Variants in CACNA2D3 observed in about 807,000 individuals in gnomAD.
The protein encoded by CACNA2D3 is calcium voltage-gated channel auxiliary subunit alpha2delta 3, also known as voltage-dependent calcium channel subunit alpha-2/delta-3.
A neutral mutation model predicts 160.6 loss-of-function variants in CACNA2D3; 60 were observed. That is an observed-to-expected ratio of 0.37 (90% CI 0.30 to 0.46). The LOEUF is 0.46. Ranked by LOEUF, CACNA2D3 falls within the 20% of genes least tolerant of loss-of-function variation. The probability of loss-of-function intolerance (pLI) is 1.00; values close to 1 mark genes in which losing one functional copy is unlikely to be tolerated. For synonymous variants in CACNA2D3, 558 were observed against 492.9 expected (o/e 1.13, Z -1.75); for missense variants, 1,205 against 1,365.0 (o/e 0.88, Z 1.85).
At chr3:54,892,036 C>A (rs1053505527) in intron 25 of CACNA2D3, among the ~76,000 whole-genome samples, 2 of 152,130 alleles carry the variant, frequency 1.3e-5, no homozygotes, top group South Asian at 4.1e-4. Context: ...AGGTCTAGTA[C>A]CCAGATGCTA....
chr3:54,447,245 T>C (rs1277574197), intron 4 of CACNA2D3, among the ~76,000 whole-genome samples: 1 of 152,188 alleles, frequency 6.6e-6, no homozygotes, highest in Non-Finnish European at 1.5e-5. Context: ...AGAAATTATA[T>C]TGTGATGGGT....
rs539394714 is a variant in CACNA2D3 at position 54,452,953 on chromosome 3, T to C, written c.382-50539T>C. 1.7e-4 allele frequency among the ~76,000 whole-genome samples: 26 copies of C among 152,120 alleles called. 1 individual carries two copies. In the South Asian group the frequency reaches 3.7e-3, roughly 22 times the overall value. On this transcript the variant is annotated intron_variant, in intron 4 of 37. Transcript: ENST00000474759. ...TCGTCTGTGTTTCTATGTCTTCTTT[T>C]TTTCTTTCTTTCTTTCCCTCTCTTT...
chr3:54,929,188 C>T (rs974798867), intron 27 of CACNA2D3, among the ~76,000 whole-genome samples: 1 of 152,170 alleles, frequency 6.6e-6, no homozygotes, highest in Non-Finnish European at 1.5e-5. Context: ...CTTACCCACC[C>T]AGAGCCCCAT....
At chr3:54,923,481 A>G (rs1436621366) in intron 27 of CACNA2D3, among the ~76,000 whole-genome samples, 1 of 152,120 alleles carries the variant, frequency 6.6e-6, no homozygotes, top group Admixed American at 6.5e-5. Context: ...AATGAGACCC[A>G]CATTCTATCA....
At chr3:54,568,421 G>C (rs867630708) in intron 6 of CACNA2D3, among the ~76,000 whole-genome samples, 17 of 152,010 alleles carry the variant, frequency 1.1e-4, no homozygotes, top group Middle Eastern at 3.4e-3. Flanking sequence ...ACCTCCCGTG[G>C]GTCAACACAT....
At chr3:54,821,644 C>CTTTCT (rs1553873539) in intron 14 of CACNA2D3, among the ~76,000 whole-genome samples, 4 of 30,726 alleles carry the variant, frequency 1.3e-4, no homozygotes, top group African/African-American at 4.5e-4. Flanking sequence ...GTCTTTCGTT[C>CTTTCT]TTTCTTTCTT....
chr3:54,664,459 G>A (rs1700028324), intron 11 of CACNA2D3, among the ~76,000 whole-genome samples: 1 of 152,226 alleles, frequency 6.6e-6, no homozygotes, highest in Non-Finnish European at 1.5e-5. Context: ...ACAGCAGCTG[G>A]ATTGCTTACT....
At chr3:54,466,606 A>G (rs1391208116) in intron 4 of CACNA2D3, among the ~76,000 whole-genome samples, 2 of 152,346 alleles carry the variant, frequency 1.3e-5, no homozygotes, top group Non-Finnish European at 2.9e-5. Flanking sequence ...CTGGGCAACA[A>G]AGTTACTTAC....
At chr3:55,015,849 A>G (rs563773396) in intron 34 of CACNA2D3, among the ~76,000 whole-genome samples, 2 of 152,176 alleles carry the variant, frequency 1.3e-5, no homozygotes, top group Non-Finnish European at 2.9e-5. Context: ...CTTCTTACAA[A>G]ACAGACGCAC....
At chr3:54,804,709 T>A (rs144296115) in intron 13 of CACNA2D3, among the ~76,000 whole-genome samples, 1 of 152,132 alleles carries the variant, frequency 6.6e-6, no homozygotes, top group Non-Finnish European at 1.5e-5. Context: ...ACCTAATAGA[T>A]ATCTACAGAA....
At chr3:54,700,802 T>C (rs1430767843) in intron 11 of CACNA2D3, among the ~76,000 whole-genome samples, 1 of 152,330 alleles carries the variant, frequency 6.6e-6, no homozygotes. Flanking sequence ...ATGGCAGCCC[T>C]GTGAGACAGG....
chr3:54,454,625 C>A (rs1242798061), intron 4 of CACNA2D3, among the ~76,000 whole-genome samples: 1 of 152,056 alleles, frequency 6.6e-6, no homozygotes, highest in African/African-American at 2.4e-5. Context: ...ATCCTCTCTT[C>A]CAGCTATTTA....
At chr3:54,127,851 C>T (rs1041247336) in intron 2 of CACNA2D3, among the ~76,000 whole-genome samples, 7 of 152,148 alleles carry the variant, frequency 4.6e-5, no homozygotes, top group Admixed American at 4.6e-4. Context: ...TAGCTCATTG[C>T]ACTTGTAGAG....
intron 27 of CACNA2D3, among the ~76,000 whole-genome samples, chr3:54,921,190 ACCTCTGTCTTGGGAG>A (rs1486958086): frequency 4.0e-5 from 1 of 24,970 alleles, no homozygotes; most frequent in Non-Finnish European, 7.0e-5. Context: ...GTAGCTCTTC[ACCTCTGTCTTGGGAG>A]AAACTAGATT....
intron 17 of CACNA2D3, among the ~76,000 whole-genome samples, chr3:54,862,525 G>T (rs1423033601): frequency 6.6e-6 from 1 of 152,152 alleles, no homozygotes; most frequent in Non-Finnish European, 1.5e-5. Flanking sequence ...TTTCCCTCTT[G>T]CCTGCATCCC....
At chr3:54,541,346 A>C (rs532955086) in intron 5 of CACNA2D3, among the ~76,000 whole-genome samples, 2 of 151,960 alleles carry the variant, frequency 1.3e-5, no homozygotes, top group African/African-American at 2.4e-5. Flanking sequence ...ACAGAGGCAC[A>C]TAGAGAAGAT....
At chr3:54,754,755 T>G (rs1048586868) in intron 12 of CACNA2D3, among the ~76,000 whole-genome samples, 3 of 152,190 alleles carry the variant, frequency 2.0e-5, no homozygotes, top group South Asian at 2.1e-4. Flanking sequence ...TTCCAGTGTT[T>G]GGACTTCAGT....
intron 13 of CACNA2D3, among the ~76,000 whole-genome samples, chr3:54,809,248 C>T (rs943017760): frequency 6.7e-6 from 1 of 148,686 alleles, no homozygotes; most frequent in South Asian, 2.1e-4. Context: ...CTCCCTCTCT[C>T]TTCCTTTCTT....
intron 17 of CACNA2D3, among the ~76,000 whole-genome samples, chr3:54,858,861 C>T (rs1242959616): frequency 6.6e-6 from 1 of 152,158 alleles, no homozygotes; most frequent in Non-Finnish European, 1.5e-5. Flanking sequence ...ATTTGAATGC[C>T]AATGATTATT....
Sources: gnomAD v4.1 joint callset for allele counts (sites outside exome capture counted in the v4.1 genomes callset) on GRCh38, gnomAD v4.1.1 for gene constraint, MANE v1.5 for transcripts, NCBI Gene and HGNC (gene_info 2026-07-23, HGNC 2026-07-21) for gene names.